The following CDH23 variants were observed in gnomAD, a reference collection of about 807,000 sequenced individuals.
The protein encoded by CDH23 is cadherin related 23, also known as cadherin-23.
CDH23 carries 189 observed loss-of-function variants against 317.1 expected under a neutral mutation model. The ratio of observed to expected loss-of-function variants is 0.60; its 90% CI spans 0.53 to 0.67. The LOEUF is 0.67. CDH23 is among the 30% of genes least tolerant of loss of function. The pLI is 0.00. For missense variants in CDH23, 4,401 were observed against 4,592.4 expected, an observed-to-expected ratio of 0.96 and a Z score of 1.20; for synonymous variants, 1,839 against 1,876.8, an observed-to-expected ratio of 0.98 and a Z score of 0.52.
intron 14 of CDH23, among the ~76,000 whole-genome samples, chr10:71,660,987 G>A (rs1863623460): frequency 6.6e-6 from 1 of 152,202 alleles, no homozygotes; most frequent in South Asian, 2.1e-4. Flanking sequence ...ACCTGGTGAG[G>A]CTGAAATTAT....
intron 3 of CDH23, among the ~76,000 whole-genome samples, chr10:71,452,426 C>T (rs1334761119): frequency 6.6e-6 from 1 of 152,162 alleles, no homozygotes; most frequent in Non-Finnish European, 1.5e-5. Flanking sequence ...TCCACAGACA[C>T]CTTGCCCCCC....
At chr10:71,761,016 G>T in intron 38 of CDH23, 1 of 1,299,782 alleles carries the variant, frequency 7.7e-7, no homozygotes, top group Non-Finnish European at 1.1e-6. Flanking sequence ...CCTGCCCCAG[G>T]TTCTCACGCT....
chr10:71,633,900 G>A (rs865971913), intron 11 of CDH23, among the ~76,000 whole-genome samples: 46 of 152,200 alleles, frequency 3.0e-4, no homozygotes, highest in Middle Eastern at 3.2e-3. Context: ...ACTCTTGGAG[G>A]AGAGGCAGAC....
chr10:71,462,764 C>G (rs1200535862), intron 3 of CDH23, among the ~76,000 whole-genome samples: 1 of 152,172 alleles, frequency 6.6e-6, no homozygotes, highest in Non-Finnish European at 1.5e-5. Flanking sequence ...TCCTGTTGTA[C>G]CTGGGAAGCC....
In CDH23 at chr10:71,807,517, C is replaced by T. The variant is rs749582906; in HGVS notation, c.8310C>T (p.Ala2770=). The T allele has an allele frequency of 2.0e-5, 33 of 1,613,582 alleles. No individual in the cohort carries two copies. Among genetic ancestry groups the T allele is most frequent in the South Asian group, 1.2e-4 (11 of 91,074 alleles). The stretch of plus-strand genomic sequence containing the variant: ...CCTGTGCCATGATCCCACCCTCAGC[C>T]GGCAACGAAGAGAAGAACTTCCATC... ...PNAIVYYFIA[A]GNEEKNFHLQ... The change falls in exon 59 of 70, where the codon GCC becomes GCT. Residue 2770 remains alanine, a splice_region_variant and synonymous_variant. Coordinates refer to ENST00000224721, the MANE Select transcript of CDH23 (RefSeq NM_022124.6).
rs532855763 is a variant in CDH23 at position 71,601,669 on chromosome 10, G to A, written c.833-13835G>A. 6.6e-5 allele frequency among the ~76,000 whole-genome samples: 10 copies of A among 152,252 alleles called. No individual in the cohort carries two copies. In the South Asian group the frequency reaches 2.1e-3, roughly 32 times the overall value. On this transcript the variant is annotated intron_variant, in intron 9 of 69. Coordinates refer to ENST00000224721, the MANE Select transcript of CDH23 (RefSeq NM_022124.6). ...GGGTAACGGGGTGCTGGGTGTGCTG[G>A]ACTCCACACCCCGTCATCTGCTTCA... is the stretch of plus-strand genomic sequence containing the variant.
At chr10:71,629,268 C>T (rs968196674) in intron 11 of CDH23, among the ~76,000 whole-genome samples, 2 of 152,080 alleles carry the variant, frequency 1.3e-5, no homozygotes, top group African/African-American at 2.4e-5. Flanking sequence ...AGAAGAGCCA[C>T]GGAGAAAAAG....
In CDH23 at chr10:71,694,225, G is replaced by A. The variant is rs752244950; in HGVS notation, c.2255G>A (p.Gly752Asp). ...YILIVRAVDGGVGHNQKTGIA... is the reference protein window; with the variant it reads ...YILIVRAVDGDVGHNQKTGIA... The stretch of plus-strand genomic sequence containing the variant: ...CTCATCGTTCGCGCAGTGGACGGGG[G>A]TGTGGGCCACAACCAGAAAACTGGC... Residue 752 changes from glycine to aspartate, a missense_variant, in exon 21 of 70, where the codon GGT becomes GAT. This residue lies in a region of CDH23 where 3,068 missense variants were observed against 3,203.3 expected (regional missense o/e 0.96). Coordinates refer to ENST00000224721, the MANE Select transcript of CDH23 (RefSeq NM_022124.6). 11 of 1,613,358 alleles carry A rather than the reference G, an allele frequency of 6.8e-6. No homozygotes were observed. The highest frequency in any genetic ancestry group is 3.4e-6 in the Non-Finnish European group (4 of 1,179,730).
chr10:71,495,161 A>T (rs879798679), intron 3 of CDH23, among the ~76,000 whole-genome samples: 13 of 152,250 alleles, frequency 8.5e-5, no homozygotes, highest in Admixed American at 8.5e-4. Flanking sequence ...CATTAGAAAA[A>T]GTGCAAGTTT....
chr10:71,616,434 C>T (rs1281402532), intron 10 of CDH23, among the ~76,000 whole-genome samples: 2 of 152,246 alleles, frequency 1.3e-5, no homozygotes, highest in Non-Finnish European at 2.9e-5. Flanking sequence ...CACCATCCTT[C>T]CCTCCTGTCT....
At chr10:71,543,390 G>C (rs1856092070) in intron 6 of CDH23, among the ~76,000 whole-genome samples, 1 of 152,204 alleles carries the variant, frequency 6.6e-6, no homozygotes, top group Non-Finnish European at 1.5e-5. Flanking sequence ...TACCCTCACT[G>C]TCAAAGCACC....
chr10:71,418,953 A>C (rs1315495937), intron 1 of CDH23, among the ~76,000 whole-genome samples: 1 of 152,220 alleles, frequency 6.6e-6, no homozygotes, highest in Non-Finnish European at 1.5e-5. Context: ...AATAAACACA[A>C]TGTTTGCATG....
At chr10:71,782,892 C>A (rs1248118632) in intron 41 of CDH23, among the ~76,000 whole-genome samples, 1 of 152,236 alleles carries the variant, frequency 6.6e-6, no homozygotes. Flanking sequence ...TGGGAAATCC[C>A]AGCTGCAGGT....
At position 71,677,686 on chromosome 10, in the gene CDH23, G is replaced by A. The variant is rs200263980; in HGVS notation, c.1745G>A (p.Arg582Gln). The change falls in exon 16 of 70, where the codon CGG (arginine) becomes CAG (glutamine). Residue 582 changes from arginine to glutamine, a missense_variant. Transcript: ENST00000224721. ...GAGCCTTCTGTCACACAGCTGGTGC[G>A]GCTCCGGGTAAGGTGCCAGGGAGCC... is the stretch of plus-strand genomic sequence containing the variant. Reference protein sequence around the residue: ...ENEPSVTQLVRLRATDEDSPP... With the variant: ...ENEPSVTQLVQLRATDEDSPP... The A allele has an allele frequency of 5.0e-5, 78 of 1,558,648 alleles. No individual in the cohort carries two copies. Among genetic ancestry groups the A allele is most frequent in the South Asian group, 7.1e-5 (6 of 84,550 alleles).
intron 1 of CDH23, among the ~76,000 whole-genome samples, chr10:71,405,364 A>G (rs976877196): frequency 1.1e-4 from 17 of 151,790 alleles, no homozygotes; most frequent in African/African-American, 3.9e-4. Context: ...ACTCTGGGCT[A>G]GACCTTTCTC....
chr10:71,707,739 T>C (rs938034801), intron 26 of CDH23, among the ~76,000 whole-genome samples: 1 of 152,218 alleles, frequency 6.6e-6, no homozygotes, highest in African/African-American at 2.4e-5. Flanking sequence ...TCTTCCCCAT[T>C]CCTCAACCCT....
intron 22 of CDH23, among the ~76,000 whole-genome samples, chr10:71,698,716 T>C (rs1338054214): frequency 6.6e-6 from 1 of 152,226 alleles, no homozygotes; most frequent in South Asian, 2.1e-4. Context: ...AGAGAGGCCC[T>C]GCCTGACTAC....
intron 65 of CDH23, 78 bp downstream of exon 65, chr10:71,811,831 C>T (rs992603762): frequency 2.0e-5 from 31 of 1,573,810 alleles, no homozygotes; most frequent in Non-Finnish European, 1.4e-5. Flanking sequence ...GAGCCACAAG[C>T]CTGGCTCAGG....
intron 69 of CDH23, 73 bp from the exon 70 acceptor site, chr10:71,814,879 G>A: frequency 6.8e-7 from 1 of 1,472,834 alleles, no homozygotes; most frequent in Non-Finnish European, 9.1e-7. Flanking sequence ...ATAGCCAGTG[G>A]GTCTCTGGGG....
Sources: gnomAD v4.1 joint callset for allele counts (sites outside exome capture counted in the v4.1 genomes callset) on GRCh38, gnomAD v4.1.1 for gene constraint, gnomAD v4.1.1 regional missense constraint, MANE v1.5 for transcripts, NCBI Gene and HGNC (gene_info 2026-07-23, HGNC 2026-07-21) for gene names.